Variants in SCAPER observed in about 807,000 individuals in gnomAD.
SCAPER encodes the protein S phase cyclin A-associated protein in the endoplasmic reticulum.
SCAPER carries 98 observed loss-of-function variants against 182.2 expected under a neutral mutation model. That is an observed-to-expected ratio of 0.54 (90% CI 0.46 to 0.64). SCAPER has a LOEUF of 0.64. SCAPER is among the 30% of genes least tolerant of loss of function. SCAPER has a pLI of 0.00. For synonymous variants in SCAPER, 605 were observed against 564.6 expected (o/e 1.07, Z -1.01); for missense variants, 1,432 against 1,690.0 (o/e 0.85, Z 2.68).
At chr15:76,384,754 G>A (rs1217135146) in intron 27 of SCAPER, among the ~76,000 whole-genome samples, 2 of 152,150 alleles carry the variant, frequency 1.3e-5, no homozygotes, top group Non-Finnish European at 2.9e-5. Context: ...GGCTTCCACA[G>A]GACTAATGTA....
chr15:76,490,302 A>G (rs2052162437), intron 24 of SCAPER, among the ~76,000 whole-genome samples: 1 of 152,060 alleles, frequency 6.6e-6, no homozygotes, highest in Non-Finnish European at 1.5e-5. Context: ...TCTTGTTAAC[A>G]CTTGTTGTGT....
chr15:76,647,142 T>C (rs1156809583), intron 21 of SCAPER, among the ~76,000 whole-genome samples: 3 of 152,196 alleles, frequency 2.0e-5, no homozygotes, highest in African/African-American at 7.2e-5. Flanking sequence ...AAAAATCCTC[T>C]TGAAATTTAT....
At chr15:76,426,960 C>T (rs2046478138) in intron 26 of SCAPER, among the ~76,000 whole-genome samples, 2 of 152,150 alleles carry the variant, frequency 1.3e-5, no homozygotes, top group South Asian at 2.1e-4. Context: ...CAAGAACATG[C>T]AATGGGGAAA....
intron 21 of SCAPER, among the ~76,000 whole-genome samples, chr15:76,641,265 C>G (rs1045844815): frequency 2.0e-5 from 3 of 152,194 alleles, no homozygotes; most frequent in Admixed American, 2.0e-4. Context: ...GATGCACACA[C>G]TATATTGTAA....
rs568919659 is a variant in SCAPER, at chr15:76,841,997, T to C, written c.196-66A>G. 9 of 1,406,622 alleles carry C rather than the reference T, an allele frequency of 6.4e-6. No homozygotes were observed. The East Asian group carries it at 1.8e-4, about 29-fold the overall frequency. The allele number at this position is 1,406,622 out of a possible 1,614,324, so 87.1% of individuals were successfully genotyped here. A position where few individuals can be genotyped will look rare whatever the true frequency, so the allele number is the denominator to read the frequency against. ...GGGCTTCCAGGGACTGGATTTTTTA[T>C]AAAGATTCAATCAACTACAAATCAA... On this transcript the variant is annotated intron_variant, in intron 4 of 31. Coordinates refer to ENST00000563290, the MANE Select transcript of SCAPER (RefSeq NM_020843.4).
intron 26 of SCAPER, among the ~76,000 whole-genome samples, chr15:76,405,396 C>G (rs1342015787): frequency 6.6e-6 from 1 of 152,070 alleles, no homozygotes; most frequent in African/African-American, 2.4e-5. Flanking sequence ...CAATTACAGG[C>G]ATGGGCCACC....
chr15:76,807,919 A>T (rs2066294069), intron 5 of SCAPER, among the ~76,000 whole-genome samples: 1 of 152,172 alleles, frequency 6.6e-6, no homozygotes, highest in Admixed American at 6.5e-5. Flanking sequence ...TTCATTTTAC[A>T]AAAGGAATCC....
chr15:76,514,301 C>T (rs1421785178), intron 23 of SCAPER, among the ~76,000 whole-genome samples: 3 of 152,192 alleles, frequency 2.0e-5, no homozygotes, highest in African/African-American at 7.2e-5. Flanking sequence ...CCTTCCCCTG[C>T]TCTCACCCAC....
intron 25 of SCAPER, 80 bp downstream of exon 25, chr15:76,471,132 T>G (rs2050130084): frequency 6.9e-6 from 8 of 1,164,200 alleles, no homozygotes. Context: ...AGTAACTAAG[T>G]TGAATTCTTT....
At chr15:76,444,819 CTGT>C (rs1283719976) in intron 25 of SCAPER, among the ~76,000 whole-genome samples, 2 of 152,152 alleles carry the variant, frequency 1.3e-5, no homozygotes, top group Non-Finnish European at 2.9e-5. Flanking sequence ...TCTGTTTTCT[CTGT>C]TGTTCTTCAG....
intron 23 of SCAPER, among the ~76,000 whole-genome samples, chr15:76,554,691 T>G (rs1597365009): frequency 6.7e-6 from 1 of 150,214 alleles, no homozygotes; most frequent in Admixed American, 6.6e-5. Flanking sequence ...AGAGAAGGGG[T>G]AAGGCCACTT....
At chr15:76,522,945 T>A (rs560079614) in intron 23 of SCAPER, among the ~76,000 whole-genome samples, 1 of 152,204 alleles carries the variant, frequency 6.6e-6, no homozygotes, top group South Asian at 2.1e-4. Context: ...TAGTATATAA[T>A]GTTATTTCTC....
At chr15:76,810,510 A>G (rs1352745392) in intron 5 of SCAPER, among the ~76,000 whole-genome samples, 1 of 149,266 alleles carries the variant, frequency 6.7e-6, no homozygotes, top group East Asian at 1.9e-4. Context: ...ACACAAAAGA[A>G]AGAGGAAGGA....
chr15:76,559,635 T>C (rs147277177), intron 23 of SCAPER, among the ~76,000 whole-genome samples: 9 of 152,162 alleles, frequency 5.9e-5, no homozygotes, highest in East Asian at 1.9e-4. Context: ...AGTGAACAAA[T>C]GCAGGAAAAG....
In SCAPER at chr15:76,702,570, C is replaced by A. The variant is rs571269253; in HGVS notation, c.2400+280G>T. ...TCAAAGGATTCTCATGCCTCAGCCT[C>A]CCGAGTACCTGGGATTACAGACATG... On this transcript the variant is annotated intron_variant, in intron 19 of 31. Transcript: ENST00000563290. 3.9e-5 allele frequency among the ~76,000 whole-genome samples: 6 copies of A among 152,226 alleles called. No homozygotes were observed. The South Asian group carries it at 1.0e-3, about 26-fold the overall frequency.
intron 21 of SCAPER, among the ~76,000 whole-genome samples, chr15:76,633,489 C>T (rs1024763749): frequency 6.6e-6 from 1 of 152,206 alleles, no homozygotes; most frequent in Non-Finnish European, 1.5e-5. Context: ...TCCCCCTCAT[C>T]CGGGCTGCCC....
chr15:76,793,866 G>C (rs946253935), intron 8 of SCAPER, among the ~76,000 whole-genome samples: 1 of 152,208 alleles, frequency 6.6e-6, no homozygotes, highest in Non-Finnish European at 1.5e-5. Flanking sequence ...GTCTTGTGGG[G>C]TTGAGCCCTC....
At chr15:76,895,249 ACAC>A (rs2152613140) in intron 1 of SCAPER, among the ~76,000 whole-genome samples, 1 of 152,356 alleles carries the variant, frequency 6.6e-6, no homozygotes, top group South Asian at 2.1e-4. Flanking sequence ...CACATGAGAT[ACAC>A]CACATTAACA....
chr15:76,497,468 G>A (rs1956998019), intron 24 of SCAPER, among the ~76,000 whole-genome samples: 1 of 152,018 alleles, frequency 6.6e-6, no homozygotes, highest in South Asian at 2.1e-4. Context: ...GTAATGCCTA[G>A]AACAAGTAGT....
Sources: gnomAD v4.1 joint callset for allele counts (sites outside exome capture counted in the v4.1 genomes callset) on GRCh38, gnomAD v4.1.1 for gene constraint, MANE v1.5 for transcripts, NCBI Gene and HGNC (gene_info 2026-07-23, HGNC 2026-07-21) for gene names.